TSNARE1: variants seen among roughly 807,000 people sequenced by gnomAD.
TSNARE1 encodes the protein t-SNARE domain-containing protein 1.
Under a neutral mutation model 62.0 loss-of-function variants are expected in TSNARE1, and 49 were observed. The ratio of observed to expected loss-of-function variants is 0.79; its 90% CI spans 0.63 to 1.00. The LOEUF is 1.00. Ranked by LOEUF, TSNARE1 falls within the 50% of genes least tolerant of loss-of-function variation. TSNARE1 has a pLI of 0.00. For synonymous variants in TSNARE1, 328 were observed against 294.4 expected (o/e 1.11, Z -1.17); for missense variants, 755 against 700.1 (o/e 1.08, Z -0.88).
At chr8:142,284,373 T>G (rs1439959599) in intron 11 of TSNARE1, 40 bp downstream of exon 11, 1 of 1,565,016 alleles carries the variant, frequency 6.4e-7, no homozygotes, top group East Asian at 2.2e-5. Flanking sequence ...AGGCAGGCCC[T>G]CGGGGCAGCA....
At chr8:142,262,749 T>A (rs933909277) in intron 12 of TSNARE1, among the ~76,000 whole-genome samples, 4 of 139,548 alleles carry the variant, frequency 2.9e-5, no homozygotes, top group African/African-American at 7.4e-5. Flanking sequence ...ACCATGATTG[T>A]AAGTTCCCTG....
rs541942056 is a variant in TSNARE1, at chr8:142,319,159, C to T, written c.894-525G>A. Among the ~76,000 whole-genome samples, 49 of 152,156 alleles carry T rather than the reference C, an allele frequency of 3.2e-4. No individual in the cohort carries two copies. Among genetic ancestry groups the T allele is most frequent in the Non-Finnish European group, 4.3e-4 (29 of 67,992 alleles). On this transcript the variant is annotated intron_variant, in intron 6 of 13. Coordinates refer to ENST00000524325, the MANE Select transcript of TSNARE1 (RefSeq NM_145003.5). This position sits in a 1 kb window ranked among gnomAD's most constrained non-coding sequence, Gnocchi z 4.9. Reference sequence around the variant, plus strand: ...CACTGCGAGGACCACCTTGCTCCGCCGCAACCACCCCCAAATACCCCACAG... The same window carrying T: ...CACTGCGAGGACCACCTTGCTCCGCTGCAACCACCCCCAAATACCCCACAG...
chr8:142,254,547 G>A (rs1406013049), intron 12 of TSNARE1, among the ~76,000 whole-genome samples: 1 of 152,192 alleles, frequency 6.6e-6, no homozygotes, highest in African/African-American at 2.4e-5. Flanking sequence ...CACCTCTCAT[G>A]TTCTTCCCTG....
intron 1 of TSNARE1, among the ~76,000 whole-genome samples, chr8:142,363,116 C>T (rs1027521786): frequency 3.9e-5 from 6 of 152,188 alleles, no homozygotes; most frequent in Non-Finnish European, 7.3e-5. Flanking sequence ...CTTCTGTCAT[C>T]TCCCCACGTG....
intron 12 of TSNARE1, among the ~76,000 whole-genome samples, chr8:142,236,460 A>G (rs1187663339): frequency 6.6e-6 from 1 of 151,844 alleles, no homozygotes; most frequent in Admixed American, 6.6e-5. Context: ...CACCCTCCCT[A>G]TGCTAAGCAA....
chr8:142,267,527 C>G (rs1295633098), intron 12 of TSNARE1, among the ~76,000 whole-genome samples: 4 of 152,234 alleles, frequency 2.6e-5, no homozygotes, highest in Non-Finnish European at 5.9e-5. Flanking sequence ...CTAGCACTCT[C>G]TGTGAACCTG....
intron 1 of TSNARE1, among the ~76,000 whole-genome samples, chr8:142,380,284 C>A (rs1052055598): frequency 2.0e-5 from 3 of 152,214 alleles, no homozygotes; most frequent in African/African-American, 7.2e-5. Context: ...GGATGCAGAG[C>A]CCGGGGTCCC....
At chr8:142,250,854 G>A (rs1007030754) in intron 12 of TSNARE1, among the ~76,000 whole-genome samples, 2 of 152,224 alleles carry the variant, frequency 1.3e-5, no homozygotes, top group African/African-American at 4.8e-5. Flanking sequence ...GAACGCAGGA[G>A]CCGACGGACG....
intron 11 of TSNARE1, chr8:142,275,405 G>A: frequency 1.0e-6 from 1 of 985,328 alleles, no homozygotes; most frequent in Non-Finnish European, 1.2e-6. Context: ...ACGGGAGATG[G>A]TACCTGGGAA....
At chr8:142,280,595 A>G (rs1428068383) in intron 11 of TSNARE1, among the ~76,000 whole-genome samples, 1 of 151,918 alleles carries the variant, frequency 6.6e-6, no homozygotes, top group Admixed American at 6.6e-5. Context: ...CCCCCTCCCC[A>G]CGACTGCTCC....
intron 9 of TSNARE1, among the ~76,000 whole-genome samples, chr8:142,309,080 A>G (rs1827169162): frequency 6.6e-6 from 1 of 152,144 alleles, no homozygotes; most frequent in South Asian, 2.1e-4. Flanking sequence ...TCAGTCTTTA[A>G]ATTTCCTCTC....
intron 6 of TSNARE1, among the ~76,000 whole-genome samples, chr8:142,323,644 C>A (rs1039249136): frequency 1.3e-5 from 2 of 152,244 alleles, no homozygotes; most frequent in Non-Finnish European, 2.9e-5. Context: ...GCAAGGGCAA[C>A]AGAGCAACCC....
intron 12 of TSNARE1, among the ~76,000 whole-genome samples, chr8:142,234,086 G>A (rs1817265586): frequency 6.6e-6 from 1 of 152,232 alleles, no homozygotes; most frequent in Admixed American, 6.5e-5. Flanking sequence ...CAATCATGGA[G>A]GCCGGGGAAG....
intron 12 of TSNARE1, 111 bp from the exon 13 acceptor site, chr8:142,229,690 C>G: frequency 8.1e-6 from 7 of 868,952 alleles, no homozygotes; most frequent in Non-Finnish European, 1.3e-5. Context: ...CTGAGTCCAC[C>G]CTGGGGCAGG....
chr8:142,375,864 G>A (rs751901224), intron 1 of TSNARE1, among the ~76,000 whole-genome samples: 3 of 152,264 alleles, frequency 2.0e-5, no homozygotes, highest in South Asian at 2.1e-4. Context: ...GGCCCAGGCT[G>A]GGGTTCCAAC....
At chr8:142,217,542 C>T (rs535545105) in intron 13 of TSNARE1, among the ~76,000 whole-genome samples, 2 of 152,276 alleles carry the variant, frequency 1.3e-5, no homozygotes, top group South Asian at 2.1e-4. Context: ...GGGGTGAGCC[C>T]TTGAACTGGG....
intron 12 of TSNARE1, among the ~76,000 whole-genome samples, chr8:142,257,592 C>T (rs1818648235): frequency 6.6e-6 from 1 of 152,160 alleles, no homozygotes; most frequent in African/African-American, 2.4e-5. Context: ...TGCAGGGGTC[C>T]AGGCTGACAG....
chr8:142,345,714 C>A, intron 3 of TSNARE1, 29 bp downstream of exon 3: 1 of 1,547,296 alleles, frequency 6.5e-7, no homozygotes, highest in South Asian at 1.2e-5. Context: ...TTCCCAGGAC[C>A]CCTGAGACCC....
intron 12 of TSNARE1, chr8:142,271,392 C>CCTG (rs1448555941): frequency 3.2e-6 from 4 of 1,235,286 alleles, no homozygotes; most frequent in Non-Finnish European, 4.0e-6. Flanking sequence ...AGCAGGGCGC[C>CCTG]CTGCTGCCGG....
Sources: gnomAD v4.1 joint callset for allele counts (sites outside exome capture counted in the v4.1 genomes callset) on GRCh38, gnomAD v4.1.1 for gene constraint, Gnocchi (gnomAD v3.1) non-coding constraint, MANE v1.5 for transcripts, NCBI Gene and HGNC (gene_info 2026-07-23, HGNC 2026-07-21) for gene names.